SYT16: variants seen among roughly 807,000 people sequenced by gnomAD.
The protein encoded by SYT16 is synaptotagmin 16.
A neutral mutation model predicts 61.4 loss-of-function variants in SYT16; 42 were observed. The ratio of observed to expected loss-of-function variants is 0.68; its 90% CI spans 0.53 to 0.89. The LOEUF is 0.89. Ranked by LOEUF, SYT16 falls within the 40% of genes least tolerant of loss-of-function variation. SYT16 has a pLI of 0.00. For missense variants in SYT16, 804 were observed against 807.3 expected (o/e 1.00, Z 0.05); for synonymous variants, 314 against 302.3 (o/e 1.04, Z -0.40).
At chr14:61,813,804 A>ATTTT (rs570260110) in intron 1 of SYT16, among the ~76,000 whole-genome samples, 2 of 130,504 alleles carry the variant, frequency 1.5e-5, no homozygotes, top group Admixed American at 7.8e-5. Context: ...TTTGGAAGGT[A>ATTTT]TTTTTTTTTT....
intron 3 of SYT16, among the ~76,000 whole-genome samples, chr14:62,060,944 A>C (rs2055799451): frequency 1.3e-5 from 2 of 151,954 alleles, no homozygotes; most frequent in South Asian, 4.1e-4. Flanking sequence ...ACTGCAGAAC[A>C]CTCTTTTCAA....
At chr14:61,832,311 G>A in intron 1 of SYT16, 1 of 589,868 alleles carries the variant, frequency 1.7e-6, no homozygotes, top group Non-Finnish European at 3.4e-6. Context: ...TGCTCGTACA[G>A]ACACCAAGGT....
At chr14:62,089,431 T>C (rs1160616287) in intron 7 of SYT16, among the ~76,000 whole-genome samples, 3 of 152,188 alleles carry the variant, frequency 2.0e-5, no homozygotes, top group African/African-American at 4.8e-5. Flanking sequence ...ATTTCTTCTT[T>C]TCGAACTTCA....
At chr14:62,045,103 A>T (rs2054913237) in intron 3 of SYT16, among the ~76,000 whole-genome samples, 1 of 152,172 alleles carries the variant, frequency 6.6e-6, no homozygotes, top group Non-Finnish European at 1.5e-5. Context: ...GCGCCATTAC[A>T]CTCCAGCCTG....
chr14:62,046,392 A>C (rs1425808839), intron 3 of SYT16, among the ~76,000 whole-genome samples: 2 of 151,790 alleles, frequency 1.3e-5, no homozygotes, highest in East Asian at 3.9e-4. Context: ...ATTTTCTCCC[A>C]TTCTGTAGGT....
intron 1 of SYT16, among the ~76,000 whole-genome samples, chr14:61,920,616 T>C (rs2049295397): frequency 1.3e-5 from 2 of 152,234 alleles, no homozygotes; most frequent in East Asian, 3.8e-4. Flanking sequence ...GTCGGCACTG[T>C]AGACATTTGA....
chr14:61,819,673 A>G (rs1341676354), intron 1 of SYT16, among the ~76,000 whole-genome samples: 2 of 152,212 alleles, frequency 1.3e-5, no homozygotes, highest in African/African-American at 4.8e-5. Flanking sequence ...CAGATAACCT[A>G]CCAATTACAA....
intron 1 of SYT16, among the ~76,000 whole-genome samples, chr14:61,833,028 A>G (rs1234864283): frequency 2.0e-5 from 3 of 152,028 alleles, no homozygotes; most frequent in East Asian, 1.9e-4. Context: ...GTTCTGTGAT[A>G]TTTAATTGTG....
At chr14:61,846,109 G>C (rs1000846252) in intron 1 of SYT16, among the ~76,000 whole-genome samples, 1 of 152,188 alleles carries the variant, frequency 6.6e-6, no homozygotes, top group Admixed American at 6.5e-5. Flanking sequence ...CTGGGGAAAA[G>C]AATGTGTATT....
At chr14:62,056,693 G>A (rs2055571947) in intron 3 of SYT16, among the ~76,000 whole-genome samples, 1 of 152,186 alleles carries the variant, frequency 6.6e-6, no homozygotes, top group Admixed American at 6.5e-5. Context: ...TGGAGGTTAG[G>A]ACTGGGAAAA....
chr14:61,882,820 C>T (rs1275686639), intron 1 of SYT16, among the ~76,000 whole-genome samples: 1 of 152,170 alleles, frequency 6.6e-6, no homozygotes, highest in Non-Finnish European at 1.5e-5. Flanking sequence ...GTAAATACAC[C>T]TGTTCCAAAT....
chr14:61,842,464 A>G (rs1261698629), intron 1 of SYT16, among the ~76,000 whole-genome samples: 8 of 152,150 alleles, frequency 5.3e-5, no homozygotes, highest in African/African-American at 1.9e-4. Context: ...ACATAGCATA[A>G]TGACCTCCAG....
At chr14:62,004,817 G>A (rs113957695) in intron 3 of SYT16, among the ~76,000 whole-genome samples, 2 of 152,164 alleles carry the variant, frequency 1.3e-5, no homozygotes, top group African/African-American at 4.8e-5. Context: ...GAGTTAAGAT[G>A]GGAGTTCCAT....
intron 1 of SYT16, among the ~76,000 whole-genome samples, chr14:61,907,555 CA>C (rs2048770234): frequency 6.6e-6 from 1 of 152,198 alleles, no homozygotes; most frequent in Non-Finnish European, 1.5e-5. Flanking sequence ...CAGACTCACA[CA>C]CATGGCTGTT....
intron 1 of SYT16, among the ~76,000 whole-genome samples, chr14:61,867,178 G>T (rs1039279696): frequency 1.3e-5 from 2 of 151,862 alleles, no homozygotes; most frequent in African/African-American, 2.4e-5. Flanking sequence ...GTTGAAATCA[G>T]GTAGTGTAAA....
chr14:61,911,826 G>A (rs1300759755), intron 1 of SYT16, among the ~76,000 whole-genome samples: 1 of 152,202 alleles, frequency 6.6e-6, no homozygotes, highest in African/African-American at 2.4e-5. Flanking sequence ...AAGGGAACCA[G>A]CTCCTCTGCA....
chr14:61,972,181 G>A (rs1455249071), intron 2 of SYT16, among the ~76,000 whole-genome samples: 1 of 152,220 alleles, frequency 6.6e-6, no homozygotes, highest in Non-Finnish European at 1.5e-5. Flanking sequence ...GCAAGTCACA[G>A]TAATGGCTGC....
rs535222788 is a variant in SYT16, at chr14:62,032,708, C to T, written c.523+36166C>T. ...ATATTGACAGATCGTGGAGCTTCTA[C>T]AGTTAGTAAAAAAAAAAAATTAAGG... On this transcript the variant is annotated intron_variant, in intron 3 of 7. Coordinates refer to ENST00000683842, the MANE Select transcript of SYT16 (RefSeq NM_001367656.1). 1.3e-4 allele frequency among the ~76,000 whole-genome samples: 19 copies of T among 147,828 alleles called. No homozygotes were observed. The South Asian group carries it at 4.1e-3, about 32-fold the overall frequency.
chr14:62,050,892 G>T (rs2055249498), intron 3 of SYT16, among the ~76,000 whole-genome samples: 1 of 152,194 alleles, frequency 6.6e-6, no homozygotes, highest in Non-Finnish European at 1.5e-5. Flanking sequence ...ACTGGGAGGT[G>T]ACTCCCAGTT....
Sources: gnomAD v4.1 joint callset for allele counts (sites outside exome capture counted in the v4.1 genomes callset) on GRCh38, gnomAD v4.1.1 for gene constraint, MANE v1.5 for transcripts, NCBI Gene and HGNC (gene_info 2026-07-23, HGNC 2026-07-21) for gene names.